Variants in GPATCH2L observed in about 807,000 individuals in gnomAD.
The protein encoded by GPATCH2L is G patch domain-containing protein 2-like.
GPATCH2L carries 31 observed loss-of-function variants against 57.4 expected under a neutral mutation model. That is an observed-to-expected ratio of 0.54 (90% CI 0.41 to 0.73). GPATCH2L has a LOEUF of 0.73. Among genes scored for constraint, GPATCH2L ranks in the 30% least tolerant of loss-of-function variants. GPATCH2L has a pLI of 0.00. For missense variants in GPATCH2L, 481 were observed against 599.9 expected, an observed-to-expected ratio of 0.80 and a Z score of 2.07; for synonymous variants, 199 against 210.7, an observed-to-expected ratio of 0.94 and a Z score of 0.48.
intron 9 of GPATCH2L, among the ~76,000 whole-genome samples, chr14:76,201,019 A>C (rs1048685626): frequency 9.9e-5 from 15 of 152,192 alleles, no homozygotes; most frequent in African/African-American, 3.4e-4. Flanking sequence ...CAGATCGGTA[A>C]GTGTTCTGAA....
In GPATCH2L at chr14:76,210,012, A is replaced by G. The variant is rs2121077; in HGVS notation, c.*8161A>G. ...TGCCCCAGTCACTGATTGAACAAAC[A>G]TTTACTGAACACTGATGAAGCGAAG... On this transcript the variant is annotated 3_prime_UTR_variant, in exon 10 of 10. Transcript: ENST00000261530. The G allele has an allele frequency of 0.16, 23,981 of 152,206 alleles. 1,989 individuals carry two copies. The highest frequency in any genetic ancestry group is 0.33 in the Middle Eastern group (98 of 294). The allele number at this position is 152,206 out of a possible 1,614,324, so 9.4% of individuals were successfully genotyped here.
At chr14:76,174,035 TA>T (rs201039232) in intron 5 of GPATCH2L, 397 of 165,406 alleles carry the variant, frequency 2.4e-3, no homozygotes, top group Non-Finnish European at 3.6e-3. Context: ...TAGAATTCAT[TA>T]AAAAAAAAAA....
intron 3 of GPATCH2L, among the ~76,000 whole-genome samples, chr14:76,168,283 T>G (rs2038933830): frequency 6.6e-6 from 1 of 152,244 alleles, no homozygotes; most frequent in African/African-American, 2.4e-5. Context: ...GTGGGTCTTC[T>G]TGGTTTCAAT....
At chr14:76,159,485 AGAG>A (rs1348053151) in intron 2 of GPATCH2L, among the ~76,000 whole-genome samples, 3 of 152,066 alleles carry the variant, frequency 2.0e-5, no homozygotes, top group African/African-American at 7.2e-5. Context: ...CAGCTGGCCA[AGAG>A]AATATGCAGA....
chr14:76,166,656 T>C lies in GPATCH2L; in HGVS notation c.663-7T>C. Reference sequence around the variant, plus strand: ...ATGAGTTCTCTTGTGTTTTACTCTTTTTACAGTGAAACCAGCAGTGTGTGT... The same window carrying C: ...ATGAGTTCTCTTGTGTTTTACTCTTCTTACAGTGAAACCAGCAGTGTGTGT... On this transcript the variant is annotated splice_region_variant and splice_polypyrimidine_tract_variant and intron_variant, in intron 2 of 9. Coordinates refer to ENST00000261530, the MANE Select transcript of GPATCH2L (RefSeq NM_017926.4). The C allele has an allele frequency of 6.3e-7, 1 of 1,597,784 alleles. No homozygotes were observed. The highest frequency in any genetic ancestry group is 1.3e-5 in the African/African-American group (1 of 74,748).
Position 76,207,570 on chromosome 14 carries a change from G to C in GPATCH2L, c.*5719G>C, listed in dbSNP as rs956442355. On this transcript the variant is annotated 3_prime_UTR_variant, in exon 10 of 10. Transcript: ENST00000261530. ...AAGAAAAAAACACCTTGGGTACATA[G>C]ATGTGTAATAAATACCTGTTGAGTT... The C allele has an allele frequency of 6.6e-6, 1 of 152,010 alleles. No individual in the cohort carries two copies. The highest frequency in any genetic ancestry group is 1.5e-5 in the Non-Finnish European group (1 of 68,024). 9.4% of individuals were successfully genotyped at this position (152,010 alleles called of 1,614,324 possible). A position where few individuals can be genotyped will look rare whatever the true frequency, so the allele number is the denominator to read the frequency against.
In GPATCH2L at chr14:76,205,433, T is replaced by A. The variant is rs1566820315; in HGVS notation, c.*3582T>A. ...TTAGAAATCAAATGCGATTCAGAAT[T>A]GAAGAGGACATTGCTGGGCTATGAA... On this transcript the variant is annotated 3_prime_UTR_variant, in exon 10 of 10. Coordinates refer to ENST00000261530, the MANE Select transcript of GPATCH2L (RefSeq NM_017926.4). The A allele has an allele frequency of 2.0e-5, 3 of 152,212 alleles. No homozygotes were observed. The highest frequency in any genetic ancestry group is 4.4e-5 in the Non-Finnish European group (3 of 68,036). The allele number at this position is 152,212 out of a possible 1,614,324, so 9.4% of individuals were successfully genotyped here. A position where few individuals can be genotyped will look rare whatever the true frequency, so the allele number is the denominator to read the frequency against.
chr14:76,218,259 GAA>G (rs924642871), downstream of GPATCH2L, among the ~76,000 whole-genome samples: 4 of 152,014 alleles, frequency 2.6e-5, no homozygotes, highest in African/African-American at 7.2e-5. Flanking sequence ...AATTAGAAGA[GAA>G]GAGAAAATTA....
chr14:76,154,651 A>G lies in GPATCH2L; in HGVS notation c.288A>G (p.Arg96=), dbSNP rs2038213476. 2.5e-6 allele frequency: 4 copies of G among 1,614,222 alleles called. No individual in the cohort carries two copies. The highest frequency in any genetic ancestry group is 3.4e-6 in the Non-Finnish European group (4 of 1,180,042). Residue 96 remains arginine, a synonymous_variant, in exon 2 of 10, where the codon CGA becomes CGG. Transcript: ENST00000261530. The surrounding 1 kb of genome is among the most constrained non-coding windows in gnomAD (Gnocchi z 4.4). ...SDSDDTMVAK[R]HPALNAIVKS... is the part of the protein sequence containing the mutation. ...CTGATGACACAATGGTAGCCAAACG[A>G]CACCCAGCTCTCAATGCCATTGTCA...
chr14:76,160,591 A>G (rs1332962984), intron 2 of GPATCH2L, among the ~76,000 whole-genome samples: 2 of 152,238 alleles, frequency 1.3e-5, no homozygotes, highest in African/African-American at 4.8e-5. Context: ...AAAAGCGAAA[A>G]TTAATGAGAA....
chr14:76,232,007 G>GCAGC, intron 2 of GPATCH2L, among the ~76,000 whole-genome samples: 200 of 78,334 alleles, frequency 2.6e-3, no homozygotes, highest in African/African-American at 0.011. Flanking sequence ...CTCACTGCAG[G>GCAGC]CTCAAGCAAT....
At chr14:76,152,506 C>T (rs4899584) in intron 1 of GPATCH2L, 134,765 of 366,666 alleles carry the variant, frequency 0.37, 26,547 homozygotes, top group African/African-American at 0.59. Context: ...CACCCTGCTC[C>T]TGTCTCTCTT....
chr14:76,190,123 T>TC (rs397745035), intron 8 of GPATCH2L, among the ~76,000 whole-genome samples: 7 of 151,452 alleles, frequency 4.6e-5, no homozygotes, highest in African/African-American at 9.7e-5. Flanking sequence ...TATTTTTTTT[T>TC]CCCTAAAAGT....
At chr14:76,173,128 C>T (rs1284507524) in intron 4 of GPATCH2L, among the ~76,000 whole-genome samples, 3 of 152,112 alleles carry the variant, frequency 2.0e-5, no homozygotes, top group Admixed American at 6.5e-5. Context: ...TTATCCGACA[C>T]GTGCTATTTT....
intron 3 of GPATCH2L, among the ~76,000 whole-genome samples, chr14:76,166,953 C>T (rs191517178): frequency 2.0e-5 from 3 of 151,830 alleles, no homozygotes; most frequent in Non-Finnish European, 4.4e-5. Flanking sequence ...TTCACAAGCA[C>T]CTGAAGTGAT....
intron 2 of GPATCH2L, among the ~76,000 whole-genome samples, chr14:76,233,545 ACTC>A (rs1250889429): frequency 6.6e-6 from 1 of 151,596 alleles, no homozygotes; most frequent in Non-Finnish European, 1.5e-5. Context: ...CCGTCAATCA[ACTC>A]CTGGGAATTC....
intron 1 of GPATCH2L, among the ~76,000 whole-genome samples, chr14:76,225,516 A>G (rs2040533495): frequency 6.6e-6 from 1 of 152,234 alleles, no homozygotes; most frequent in African/African-American, 2.4e-5. Context: ...GGTTAAAAAA[A>G]GGAAAGTGTC....
At chr14:76,187,762 G>GATTATTATTGACTGT in intron 8 of GPATCH2L, among the ~76,000 whole-genome samples, 1 of 152,072 alleles carries the variant, frequency 6.6e-6, no homozygotes, top group East Asian at 1.9e-4. Context: ...TGTACAGTTA[G>GATTATTATTGACTGT]ATTATTATTG....
chr14:76,155,550 A>G (rs1490660685), intron 2 of GPATCH2L, among the ~76,000 whole-genome samples: 1 of 152,180 alleles, frequency 6.6e-6, no homozygotes. Context: ...TATGGCTGAC[A>G]TTCAAATTGT....
Sources: gnomAD v4.1 joint callset for allele counts (sites outside exome capture counted in the v4.1 genomes callset) on GRCh38, gnomAD v4.1.1 for gene constraint, Gnocchi (gnomAD v3.1) non-coding constraint, MANE v1.5 for transcripts, NCBI Gene and HGNC (gene_info 2026-07-23, HGNC 2026-07-21) for gene names.